The following SBSPON variants were observed in gnomAD, a reference collection of about 807,000 sequenced individuals.
SBSPON encodes somatomedin-B and thrombospondin type-1 domain-containing protein.
In SBSPON, 30 loss-of-function variants were observed where a neutral mutation model predicts 35.8. The observed-to-expected ratio is 0.84, with a 90% CI of 0.63 to 1.14. The LOEUF (loss-of-function observed/expected upper bound fraction) is 1.14, where lower values mean the gene tolerates loss of function less well. Ranked by LOEUF, SBSPON falls within the 50% of genes most tolerant of loss-of-function variation. The pLI is 0.00. For missense variants in SBSPON, 364 were observed against 357.7 expected, an observed-to-expected ratio of 1.02 and a Z score of -0.14; for synonymous variants, 136 against 135.9, an observed-to-expected ratio of 1.00 and a Z score of 0.00.
At position 73,069,776 on chromosome 8, in the gene SBSPON, AAAGTACTTCAGTT is replaced by A. The variant is rs1204501280; in HGVS notation, c.677+16_677+28del. 1.3e-6 allele frequency: 2 copies of A among 1,586,680 alleles called. No individual in the cohort carries two copies. The highest frequency in any genetic ancestry group is 2.7e-5 in the African/African-American group (2 of 74,340). On this transcript the variant is annotated intron_variant, in intron 4 of 4. Transcript: ENST00000297354. ...AGATTTCTCAGAATGAGTGACAAGA[AAAGTACTTCAGTT>A]AATTTCCATTCTTACCCATCGGAGT...
intron 2 of SBSPON, among the ~76,000 whole-genome samples, chr8:73,077,283 G>A (rs1332546734): frequency 6.6e-6 from 1 of 152,222 alleles, no homozygotes; most frequent in Admixed American, 6.5e-5. Flanking sequence ...ACTCCTTCAC[G>A]GGGTTGCTAT....
At position 73,066,508 on chromosome 8, in the gene SBSPON, C is replaced by T. The variant is rs1810389941; in HGVS notation, c.*833G>A. 6.6e-6 allele frequency: 1 copy of T among 152,138 alleles called. No homozygotes were observed. Among genetic ancestry groups the T allele is most frequent in the East Asian group, 1.9e-4 (1 of 5,196 alleles). The allele number at this position is 152,138 out of a possible 1,614,324, so 9.4% of individuals were successfully genotyped here. ...CATGCGGTAGGAAAAAAATAGTGAG[C>T]TTACATCAACTAAACTTGAAGCTGG... On this transcript the variant is annotated 3_prime_UTR_variant, in exon 5 of 5. Transcript: ENST00000297354.
chr8:73,086,769 T>TA (rs988414312), intron 1 of SBSPON, among the ~76,000 whole-genome samples: 1 of 152,206 alleles, frequency 6.6e-6, no homozygotes, highest in East Asian at 1.9e-4. Flanking sequence ...AAGATATGAA[T>TA]AAAAAAGATA....
intron 2 of SBSPON, among the ~76,000 whole-genome samples, chr8:73,072,472 C>T (rs1586090700): frequency 1.3e-5 from 2 of 152,094 alleles, no homozygotes; most frequent in African/African-American, 2.4e-5. Flanking sequence ...AGTTCAAAAT[C>T]AGCCTGGCCA....
At chr8:73,085,705 A>T (rs577526077) in intron 1 of SBSPON, 35 of 152,044 alleles carry the variant, frequency 2.3e-4, no homozygotes, top group South Asian at 1.0e-3. Flanking sequence ...AAATATATAT[A>T]TTTTTTCAAA....
chr8:73,092,439 A>T (rs1810953197), intron 1 of SBSPON, among the ~76,000 whole-genome samples: 1 of 152,200 alleles, frequency 6.6e-6, no homozygotes, highest in Non-Finnish European at 1.5e-5. Flanking sequence ...AGCCCCAAAG[A>T]TCCCCGAGGG....
At chr8:73,078,440 A>T (rs1483365605) in intron 2 of SBSPON, among the ~76,000 whole-genome samples, 1 of 152,182 alleles carries the variant, frequency 6.6e-6, no homozygotes, top group African/African-American at 2.4e-5. Flanking sequence ...GTAGGGAAGG[A>T]GGCTGTTCAG....
intron 1 of SBSPON, among the ~76,000 whole-genome samples, chr8:73,090,454 G>A (rs1810909219): frequency 6.6e-6 from 1 of 152,228 alleles, no homozygotes; most frequent in Non-Finnish European, 1.5e-5. Context: ...GGCAGGCGGT[G>A]ACCGCCCTGC....
Position 73,081,183 on chromosome 8 carries a change from G to A in SBSPON, c.245C>T (p.Pro82Leu). 1.3e-6 allele frequency: 2 copies of A among 1,596,566 alleles called. No homozygotes were observed. The highest frequency in any genetic ancestry group is 1.7e-6 in the Non-Finnish European group (2 of 1,169,918). ...GCACTGGTCTGCACAACCACTCCAG[G>A]GGCTCCATTCCCCCACGAAGCACGG... Reference protein sequence around the residue: ...ARPCFVGEWSPWSGCADQCKP... With the variant: ...ARPCFVGEWSLWSGCADQCKP... The change falls in exon 2 of 5, where the codon CCC becomes CTC. Residue 82 changes from proline (P) to leucine (L), a missense_variant. By Grantham distance (98) the Pro-to-Leu change is moderately conservative. Coordinates refer to ENST00000297354, the MANE Select transcript of SBSPON (RefSeq NM_153225.4).
At chr8:73,077,982 A>G (rs929686293) in intron 2 of SBSPON, among the ~76,000 whole-genome samples, 4 of 152,176 alleles carry the variant, frequency 2.6e-5, no homozygotes, top group African/African-American at 9.7e-5. Context: ...TTGCACAACT[A>G]TTCTAATAAA....
At chr8:73,085,558 T>C (rs1480737710) in intron 1 of SBSPON, 3 of 152,210 alleles carry the variant, frequency 2.0e-5, no homozygotes, top group African/African-American at 7.2e-5. Context: ...CTTCTGCTTT[T>C]GGACCCATCT....
chr8:73,092,804 G>A, intron 1 of SBSPON, 50 bp downstream of exon 1: 1 of 1,467,496 alleles, frequency 6.8e-7, no homozygotes, highest in South Asian at 1.2e-5. Flanking sequence ...CCCTGTGCCC[G>A]TTGGTTGCAG....
At chr8:73,085,114 A>G (rs1434990279) in intron 1 of SBSPON, among the ~76,000 whole-genome samples, 1 of 152,132 alleles carries the variant, frequency 6.6e-6, no homozygotes, top group Non-Finnish European at 1.5e-5. Flanking sequence ...GTGGAAGGAG[A>G]CGAGTGAATC....
At chr8:73,075,653 G>A in intron 2 of SBSPON, 1 of 219,530 alleles carries the variant, frequency 4.6e-6, no homozygotes, top group Non-Finnish European at 7.7e-6. Flanking sequence ...TACTTACTTT[G>A]AACATGAAAG....
At chr8:73,080,286 G>A (rs921555236) in intron 2 of SBSPON, among the ~76,000 whole-genome samples, 10 of 151,996 alleles carry the variant, frequency 6.6e-5, no homozygotes, top group Admixed American at 1.3e-4. Flanking sequence ...AGGCTGAGGC[G>A]GGTGGATCAC....
intron 2 of SBSPON, chr8:73,074,483 G>T: frequency 2.3e-6 from 1 of 436,456 alleles, no homozygotes; most frequent in Non-Finnish European, 3.0e-6. Context: ...AGAAAATTAT[G>T]GCACAGAGAG....
At position 73,081,171 on chromosome 8, in the gene SBSPON, C is replaced by T. The variant is rs775788162; in HGVS notation, c.257G>A (p.Cys86Tyr). The T allele has an allele frequency of 4.4e-6, 7 of 1,606,754 alleles. No individual in the cohort carries two copies. The highest frequency in any genetic ancestry group is 6.0e-6 in the Non-Finnish European group (7 of 1,175,932). The change falls in exon 2 of 5, where the codon TGT becomes TAT. Residue 86 changes from cysteine to tyrosine, a missense_variant. Cys to Tyr is a radical substitution (Grantham distance 194). Coordinates refer to ENST00000297354, the MANE Select transcript of SBSPON (RefSeq NM_153225.4). Reference sequence around the variant, plus strand: ...GGTTGTAGGCTTGCACTGGTCTGCACAACCACTCCAGGGGCTCCATTCCCC... The same window carrying T: ...GGTTGTAGGCTTGCACTGGTCTGCATAACCACTCCAGGGGCTCCATTCCCC... ...FVGEWSPWSGCADQCKPTTRV... is the reference protein window; with the variant it reads ...FVGEWSPWSGYADQCKPTTRV...
intron 1 of SBSPON, among the ~76,000 whole-genome samples, chr8:73,084,749 G>GACACACACAC (rs57178636): frequency 1.3e-4 from 18 of 134,448 alleles, no homozygotes; most frequent in East Asian, 7.0e-4. Flanking sequence ...CCACTACACA[G>GACACACACAC]ACACACACAC....
At position 73,065,285 on chromosome 8, in the gene SBSPON, C is replaced by CTTA. The variant is rs1810365456; in HGVS notation, c.*2055_*2056insTAA. 17 of 152,252 alleles carry CTTA rather than the reference C, an allele frequency of 1.1e-4. No individual in the cohort carries two copies. The South Asian group carries it at 3.3e-3, about 30-fold the overall frequency. 9.4% of individuals were successfully genotyped at this position (152,252 alleles called of 1,614,324 possible). ...TTAAATGTTATAACACATATCGGAA[C>CTTA]TATAAAAGCACCATTGCTTTATTGC... On this transcript the variant is annotated 3_prime_UTR_variant, in exon 5 of 5. Coordinates refer to ENST00000297354, the MANE Select transcript of SBSPON (RefSeq NM_153225.4).
Sources: allele counts gnomAD v4.1 joint callset (sites outside exome capture counted in the v4.1 genomes callset), GRCh38; gene constraint gnomAD v4.1.1; transcripts MANE v1.5; gene names NCBI Gene and HGNC (gene_info 2026-07-23, HGNC 2026-07-21).